CNTN4: variants seen among roughly 807,000 people sequenced by gnomAD.
The protein encoded by CNTN4 is contactin-4.
CNTN4 carries 77 observed loss-of-function variants against 122.5 expected under a neutral mutation model. That is an observed-to-expected ratio of 0.63 (90% CI 0.52 to 0.76). The LOEUF (loss-of-function observed/expected upper bound fraction) is 0.76, where lower values mean the gene tolerates loss of function less well. Ranked by LOEUF, CNTN4 falls within the 30% of genes least tolerant of loss-of-function variation. The pLI is 0.00. For synonymous variants in CNTN4, 512 were observed against 447.0 expected (o/e 1.15, Z -1.83); for missense variants, 1,256 against 1,259.1 (o/e 1.00, Z 0.04).
At position 2,128,239 on chromosome 3, in the gene CNTN4, C is replaced by T. The variant is rs564992840; in HGVS notation, c.-145+27600C>T. On this transcript the variant is annotated intron_variant, in intron 2 of 24. Transcript: ENST00000418658. ...TGATTGCAACCCTGAGCCAATCAGT[C>T]ACTGGTGAGCATTTGGTGAATTCTA... Among the ~76,000 whole-genome samples the T allele has an allele frequency of 7.9e-5, 12 of 152,292 alleles. No individual in the cohort carries two copies. In the East Asian group the frequency reaches 2.1e-3, roughly 27 times the overall value.
chr3:2,277,653 C>T (rs187536542), intron 2 of CNTN4, among the ~76,000 whole-genome samples: 7 of 152,208 alleles, frequency 4.6e-5, no homozygotes, highest in African/African-American at 1.7e-4. Context: ...CTCCTGTCTC[C>T]ATTGTTGGCA....
chr3:2,754,146 T>C (rs984326135), intron 6 of CNTN4, among the ~76,000 whole-genome samples: 1 of 152,214 alleles, frequency 6.6e-6, no homozygotes, highest in Non-Finnish European at 1.5e-5. Context: ...ACTTTAAATG[T>C]AGATTATTAT....
intron 3 of CNTN4, among the ~76,000 whole-genome samples, chr3:2,398,075 C>T (rs1273070866): frequency 6.6e-6 from 1 of 152,012 alleles, no homozygotes; most frequent in Non-Finnish European, 1.5e-5. Flanking sequence ...TTTTCTCGAA[C>T]TCTCTGTAAA....
chr3:2,481,328 A>G (rs915588482), intron 3 of CNTN4, among the ~76,000 whole-genome samples: 4 of 151,800 alleles, frequency 2.6e-5, no homozygotes, highest in Non-Finnish European at 5.9e-5. Flanking sequence ...TTTAGTAGAG[A>G]TGTGGTTTCA....
At chr3:2,304,050 G>C (rs2042617675) in intron 2 of CNTN4, among the ~76,000 whole-genome samples, 1 of 152,150 alleles carries the variant, frequency 6.6e-6, no homozygotes, top group Non-Finnish European at 1.5e-5. Context: ...AAGTAGGTAA[G>C]ATGCACAGTG....
In CNTN4 at chr3:2,836,840, A is replaced by T. The variant is rs2093236803; in HGVS notation, c.454+17259A>T. 2.0e-5 allele frequency among the ~76,000 whole-genome samples: 3 copies of T among 152,190 alleles called. No individual in the cohort carries two copies. In the South Asian group the frequency reaches 6.2e-4, roughly 32 times the overall value. On this transcript the variant is annotated intron_variant, in intron 7 of 24. Transcript: ENST00000418658. ...AGATGATGGGTTGATGGGTGCAGCAAACCATCATGGCACATATATATCTAT... is the reference window on the plus strand; with the variant it reads ...AGATGATGGGTTGATGGGTGCAGCATACCATCATGGCACATATATATCTAT...
At chr3:2,590,062 C>CA (rs1391153962) in intron 4 of CNTN4, among the ~76,000 whole-genome samples, 2 of 152,202 alleles carry the variant, frequency 1.3e-5, no homozygotes, top group African/African-American at 4.8e-5. Flanking sequence ...CAAACCACCA[C>CA]AATCTGTTCC....
intron 2 of CNTN4, among the ~76,000 whole-genome samples, chr3:2,179,026 C>T (rs2036888144): frequency 6.6e-6 from 1 of 151,990 alleles, no homozygotes; most frequent in African/African-American, 2.4e-5. Flanking sequence ...CCCTGATCCT[C>T]CTGCCATCTT....
At chr3:2,261,848 C>T (rs375453549) in intron 2 of CNTN4, among the ~76,000 whole-genome samples, 3 of 152,040 alleles carry the variant, frequency 2.0e-5, no homozygotes, top group South Asian at 4.2e-4. Context: ...TAAATCTGCC[C>T]GAGTATCTGT....
chr3:2,725,776 G>A (rs2088183161), intron 4 of CNTN4, among the ~76,000 whole-genome samples: 2 of 152,138 alleles, frequency 1.3e-5, no homozygotes, highest in Non-Finnish European at 2.9e-5. Context: ...CTGCCACATT[G>A]CTGAAGACCA....
chr3:2,508,374 C>A (rs1353292281), intron 3 of CNTN4, among the ~76,000 whole-genome samples: 1 of 152,148 alleles, frequency 6.6e-6, no homozygotes, highest in Non-Finnish European at 1.5e-5. Context: ...AAAACACTTT[C>A]AAGAAGAAGC....
intron 3 of CNTN4, among the ~76,000 whole-genome samples, chr3:2,340,710 T>TATATATATAGAG: frequency 0.012 from 218 of 18,304 alleles, 12 homozygotes; most frequent in Non-Finnish European, 0.025. Flanking sequence ...TATATATATA[T>TATATATATAGAG]AGAGAGAGAG....
intron 2 of CNTN4, among the ~76,000 whole-genome samples, chr3:2,259,848 G>A (rs893708242): frequency 7.9e-5 from 12 of 152,202 alleles, no homozygotes; most frequent in South Asian, 2.1e-4. Context: ...TCACATCCTC[G>A]TATCTTTGCA....
At chr3:2,825,309 T>C (rs966895761) in intron 7 of CNTN4, among the ~76,000 whole-genome samples, 10 of 151,664 alleles carry the variant, frequency 6.6e-5, no homozygotes, top group African/African-American at 1.7e-4. Context: ...CACTGCAACC[T>C]CCGCCTCCCA....
chr3:2,486,429 T>C (rs1390883501), intron 3 of CNTN4, among the ~76,000 whole-genome samples: 1 of 152,164 alleles, frequency 6.6e-6, no homozygotes, highest in Non-Finnish European at 1.5e-5. Flanking sequence ...GACTAGAACA[T>C]TATGATCAAA....
At chr3:3,040,415 G>A in intron 20 of CNTN4, 144 bp downstream of exon 20, 2 of 709,254 alleles carry the variant, frequency 2.8e-6, no homozygotes, top group Non-Finnish European at 5.0e-6. Context: ...TAAACAATTT[G>A]GTTCGCTGTC....
At chr3:2,398,776 C>T (rs1025263776) in intron 3 of CNTN4, among the ~76,000 whole-genome samples, 2 of 152,184 alleles carry the variant, frequency 1.3e-5, no homozygotes, top group Non-Finnish European at 2.9e-5. Context: ...GAAATGATCA[C>T]TGATCTGGAC....
intron 4 of CNTN4, among the ~76,000 whole-genome samples, chr3:2,673,756 A>G (rs998047377): frequency 3.3e-5 from 5 of 152,074 alleles, no homozygotes; most frequent in Admixed American, 3.3e-4. Context: ...GTTAGCCAGG[A>G]TGGTCTTGAT....
intron 7 of CNTN4, among the ~76,000 whole-genome samples, chr3:2,860,196 C>T (rs140157325): frequency 6.6e-6 from 1 of 152,298 alleles, no homozygotes; most frequent in African/African-American, 2.4e-5. Context: ...TCTCCAAAAT[C>T]AGTACTGCAA....
Sources: gnomAD v4.1 joint callset for allele counts (sites outside exome capture counted in the v4.1 genomes callset) on GRCh38, gnomAD v4.1.1 for gene constraint, MANE v1.5 for transcripts, NCBI Gene and HGNC (gene_info 2026-07-23, HGNC 2026-07-21) for gene names.